MACROD2: variants seen among roughly 807,000 people sequenced by gnomAD.
MACROD2 encodes mono-ADP ribosylhydrolase 2.
MACROD2 carries 36 observed loss-of-function variants against 70.4 expected under a neutral mutation model. The ratio of observed to expected loss-of-function variants is 0.51; its 90% confidence interval spans 0.39 to 0.68. The LOEUF (loss-of-function observed/expected upper bound fraction) is 0.68. Ranked by LOEUF, MACROD2 falls within the 30% of genes least tolerant of loss-of-function variation. The pLI, the probability that MACROD2 is intolerant of heterozygous loss-of-function variation, is 0.00. For synonymous variants in MACROD2, 172 were observed against 178.8 expected, an observed-to-expected ratio of 0.96 and a Z score of 0.30; for missense variants, 496 against 538.4, an observed-to-expected ratio of 0.92 and a Z score of 0.78.
intron 5 of MACROD2, among the ~76,000 whole-genome samples, chr20:15,202,283 C>T (rs2076663169): frequency 6.6e-6 from 1 of 152,156 alleles, no homozygotes; most frequent in African/African-American, 2.4e-5. Flanking sequence ...TGTTTCTGCA[C>T]CATTTGCATA....
At chr20:14,002,213 A>T in intron 1 of MACROD2, 75 bp from the exon 2 acceptor site, 1 of 913,248 alleles carries the variant, frequency 1.1e-6, no homozygotes, top group Non-Finnish European at 1.7e-6. Flanking sequence ...TAACTTGGTT[A>T]ATACTTAAAG....
chr20:15,422,525 T>C (rs2046243518), intron 6 of MACROD2, among the ~76,000 whole-genome samples: 1 of 152,188 alleles, frequency 6.6e-6, no homozygotes. Context: ...TCCATGTTTA[T>C]AGAAAGTGGG....
intron 10 of MACROD2, among the ~76,000 whole-genome samples, chr20:15,886,943 A>G (rs1054276146): frequency 6.6e-6 from 1 of 152,162 alleles, no homozygotes; most frequent in African/African-American, 2.4e-5. Flanking sequence ...TTAGAAGGAT[A>G]TAGAGCTTAA....
At chr20:15,928,221 C>T (rs539670382) in intron 10 of MACROD2, among the ~76,000 whole-genome samples, 2 of 152,284 alleles carry the variant, frequency 1.3e-5, no homozygotes, top group South Asian at 2.1e-4. Context: ...AACTTACTCT[C>T]AAATGGTTCA....
intron 4 of MACROD2, among the ~76,000 whole-genome samples, chr20:14,558,043 A>G (rs1254182519): frequency 6.6e-6 from 1 of 151,900 alleles, no homozygotes; most frequent in Non-Finnish European, 1.5e-5. Flanking sequence ...TTAAAAAGGA[A>G]TCAAGTACTG....
chr20:14,334,432 A>T (rs1045732389), intron 3 of MACROD2, among the ~76,000 whole-genome samples: 4 of 152,198 alleles, frequency 2.6e-5, no homozygotes, highest in Non-Finnish European at 2.9e-5. Flanking sequence ...GAGCTGAGAA[A>T]CATCCCTTTT....
At chr20:14,473,258 T>A (rs564255663) in intron 3 of MACROD2, among the ~76,000 whole-genome samples, 1 of 152,304 alleles carries the variant, frequency 6.6e-6, no homozygotes, top group South Asian at 2.1e-4. Context: ...TCCTCCTATC[T>A]AACTGTAACT....
At chr20:14,285,169 T>A (rs2122421849) in intron 3 of MACROD2, among the ~76,000 whole-genome samples, 1 of 152,262 alleles carries the variant, frequency 6.6e-6, no homozygotes, top group Middle Eastern at 3.4e-3. Flanking sequence ...TGTTTCAGAT[T>A]TGGGATTTTT....
At chr20:15,775,753 C>A (rs2051711069) in intron 8 of MACROD2, among the ~76,000 whole-genome samples, 1 of 152,108 alleles carries the variant, frequency 6.6e-6, no homozygotes, top group Admixed American at 6.5e-5. Context: ...CTGAAGAAAT[C>A]AAATAATGAG....
chr20:15,372,534 A>AT (rs1251989391), intron 6 of MACROD2, among the ~76,000 whole-genome samples: 2 of 151,900 alleles, frequency 1.3e-5, no homozygotes, highest in Non-Finnish European at 2.9e-5. Context: ...TTCATTGCTC[A>AT]TTTTTTTCCC....
rs572850245 is a variant in MACROD2, at chr20:14,784,678, G to C, written c.418+99719G>C. ...GGATGGTGTTTTAAGTGGGGGGGGG[G>C]GGGCACCAGATTCAGTTACCTGGAT... On this transcript the variant is annotated intron_variant, in intron 5 of 17. Transcript: ENST00000684519. Among the ~76,000 whole-genome samples the C allele has an allele frequency of 2.0e-4, 27 of 134,852 alleles. 2 individuals carry two copies. The highest frequency in any genetic ancestry group is 1.6e-3 in the South Asian group (6 of 3,666). The allele number at this position is 134,852 out of a possible 152,430, so 88.5% of individuals were successfully genotyped here.
intron 3 of MACROD2, among the ~76,000 whole-genome samples, chr20:14,294,874 T>C (rs2122464199): frequency 6.6e-6 from 1 of 151,852 alleles, no homozygotes; most frequent in African/African-American, 2.4e-5. Context: ...TTTTTTACCA[T>C]ACCTGGCAAT....
chr20:14,831,059 G>T lies in MACROD2; in HGVS notation c.418+146100G>T, dbSNP rs75688365. ...TGGTGGTTTGTGAGCATACCTACCT[G>T]TGCTGCTGTGTTGCGAGCCTCACTT... is the stretch of plus-strand genomic sequence containing the variant. On this transcript the variant is annotated intron_variant, in intron 5 of 17. Coordinates refer to ENST00000684519, the MANE Select transcript of MACROD2 (RefSeq NM_001351661.2). 2.4e-4 allele frequency among the ~76,000 whole-genome samples: 36 copies of T among 152,170 alleles called. 2 individuals carry two copies. The East Asian group carries it at 7.0e-3, about 29-fold the overall frequency.
At chr20:14,657,562 C>T (rs958274346) in intron 4 of MACROD2, among the ~76,000 whole-genome samples, 8 of 152,142 alleles carry the variant, frequency 5.3e-5, no homozygotes, top group African/African-American at 1.4e-4. Context: ...ATGAAGAGTG[C>T]CACCTGCGTG....
At chr20:15,415,150 C>A (rs1450346646) in intron 6 of MACROD2, among the ~76,000 whole-genome samples, 1 of 152,054 alleles carries the variant, frequency 6.6e-6, no homozygotes, top group Non-Finnish European at 1.5e-5. Context: ...AACACTGAAA[C>A]AAAGTTTAAA....
At chr20:15,525,119 G>C (rs151290497) in intron 8 of MACROD2, among the ~76,000 whole-genome samples, 1 of 152,204 alleles carries the variant, frequency 6.6e-6, no homozygotes, top group African/African-American at 2.4e-5. Flanking sequence ...ATTTCCAGGT[G>C]CCTTACTGTT....
At chr20:15,849,999 C>G (rs1023424170) in intron 8 of MACROD2, among the ~76,000 whole-genome samples, 1 of 152,116 alleles carries the variant, frequency 6.6e-6, no homozygotes, top group Non-Finnish European at 1.5e-5. Flanking sequence ...GGCAGCAGCC[C>G]GTACCTTATC....
chr20:15,785,557 T>G (rs2051911078), intron 8 of MACROD2, among the ~76,000 whole-genome samples: 1 of 152,184 alleles, frequency 6.6e-6, no homozygotes, highest in South Asian at 2.1e-4. Context: ...GGAGGAATTA[T>G]GCAGCAGAGT....
At chr20:14,633,548 G>A (rs1040448780) in intron 4 of MACROD2, among the ~76,000 whole-genome samples, 8 of 151,704 alleles carry the variant, frequency 5.3e-5, no homozygotes, top group Admixed American at 3.9e-4. Context: ...GGCTGCCTTC[G>A]CATGAACTAA....
Sources: gnomAD v4.1 joint callset for allele counts (sites outside exome capture counted in the v4.1 genomes callset) on GRCh38, gnomAD v4.1.1 for gene constraint, MANE v1.5 for transcripts, NCBI Gene and HGNC (gene_info 2026-07-23, HGNC 2026-07-21) for gene names.